DPP6: variants seen among roughly 807,000 people sequenced by gnomAD.
DPP6 encodes the protein dipeptidyl peptidase like 6, also known as A-type potassium channel modulatory protein DPP6.
A neutral mutation model predicts 122.6 loss-of-function variants in DPP6; 69 were observed. That is an observed-to-expected ratio of 0.56 (90% CI 0.46 to 0.69). DPP6 has a LOEUF of 0.69. Among genes scored for constraint, DPP6 ranks in the 30% least tolerant of loss-of-function variants. DPP6 has a pLI of 0.00. For synonymous variants in DPP6, 418 were observed against 433.1 expected, an observed-to-expected ratio of 0.97 and a Z score of 0.43; for missense variants, 928 against 1,116.9, an observed-to-expected ratio of 0.83 and a Z score of 2.41.
At chr7:153,828,605 A>G in the DPP6 span, among the ~76,000 whole-genome samples, 1 of 152,218 alleles carries the variant, frequency 6.6e-6, no homozygotes. Flanking sequence ...CTGATTAAAG[A>G]GTATATTCCT....
intron 1 of DPP6, among the ~76,000 whole-genome samples, chr7:154,229,586 C>T (rs960673462): frequency 1.3e-5 from 2 of 152,226 alleles, no homozygotes; most frequent in Admixed American, 1.3e-4. Context: ...AGGGCTTCAT[C>T]TTCAGCATCA....
intron 1 of DPP6, among the ~76,000 whole-genome samples, chr7:154,127,631 A>ACACACACACACG (rs1490857492): frequency 4.2e-4 from 44 of 103,808 alleles, no homozygotes; most frequent in Middle Eastern, 5.0e-3. Context: ...ACACACACAC[A>ACACACACACACG]CAGACACACA....
the DPP6 span, among the ~76,000 whole-genome samples, chr7:153,850,103 G>C: frequency 1.1e-4 from 16 of 151,916 alleles, no homozygotes; most frequent in Non-Finnish European, 2.2e-4. Flanking sequence ...CAAACTTATT[G>C]CCTTACAACA....
At chr7:154,195,306 A>G (rs2150773682) in intron 1 of DPP6, among the ~76,000 whole-genome samples, 1 of 152,330 alleles carries the variant, frequency 6.6e-6, no homozygotes, top group East Asian at 1.9e-4. Flanking sequence ...CCACACTTCC[A>G]ACCTGCATTA....
At chr7:154,228,323 T>C (rs1200840330) in intron 1 of DPP6, among the ~76,000 whole-genome samples, 1 of 152,218 alleles carries the variant, frequency 6.6e-6, no homozygotes, top group Non-Finnish European at 1.5e-5. Context: ...GCAAGGGTCC[T>C]TGGCTCATCA....
chr7:154,565,209 G>A (rs975741435), intron 4 of DPP6, among the ~76,000 whole-genome samples: 1 of 152,134 alleles, frequency 6.6e-6, no homozygotes, highest in African/African-American at 2.4e-5. Context: ...TGACTAAAAT[G>A]TTTAGACTAG....
intron 8 of DPP6, among the ~76,000 whole-genome samples, chr7:154,744,619 G>T (rs899260686): frequency 5.9e-5 from 9 of 152,224 alleles, no homozygotes; most frequent in African/African-American, 2.2e-4. Context: ...GATGTTCGCT[G>T]ATTTCTTTTT....
At chr7:154,575,212 TGTGTGTG>T (rs1831489385) in intron 5 of DPP6, among the ~76,000 whole-genome samples, 1 of 128,848 alleles carries the variant, frequency 7.8e-6, no homozygotes, top group Non-Finnish European at 1.6e-5. Context: ...GTCTGTGGTG[TGTGTGTG>T]GTGTGGTGTG....
chr7:154,303,612 C>T (rs767711072), intron 1 of DPP6, among the ~76,000 whole-genome samples: 17 of 152,170 alleles, frequency 1.1e-4, no homozygotes, highest in Non-Finnish European at 1.9e-4. Context: ...GCTATACCCA[C>T]CCCTGGACCT....
intron 16 of DPP6, among the ~76,000 whole-genome samples, chr7:154,808,289 A>G (rs1798825399): frequency 1.3e-5 from 2 of 152,210 alleles, no homozygotes; most frequent in Non-Finnish European, 2.9e-5. Flanking sequence ...GTCATCTAAA[A>G]TCTTGAAAAT....
At chr7:153,877,051 G>A in the DPP6 span, among the ~76,000 whole-genome samples, 1 of 151,868 alleles carries the variant, frequency 6.6e-6, no homozygotes, top group Non-Finnish European at 1.5e-5. Flanking sequence ...GGACATTACT[G>A]TACACTACTG....
chr7:154,816,480 C>T (rs1799431404), intron 16 of DPP6, among the ~76,000 whole-genome samples: 1 of 152,122 alleles, frequency 6.6e-6, no homozygotes, highest in African/African-American at 2.4e-5. Context: ...GGTCTGGGAA[C>T]ATGTCCCTGG....
At chr7:154,385,314 C>T (rs1012636366) in intron 1 of DPP6, among the ~76,000 whole-genome samples, 1 of 152,164 alleles carries the variant, frequency 6.6e-6, no homozygotes, top group African/African-American at 2.4e-5. Flanking sequence ...TTCACAGCGA[C>T]ACATGCTCTT....
chr7:154,104,269 G>A (rs917469948), intron 1 of DPP6, among the ~76,000 whole-genome samples: 2 of 152,222 alleles, frequency 1.3e-5, no homozygotes, highest in Non-Finnish European at 2.9e-5. Context: ...GGAAGGGGTT[G>A]TGCATTTCTC....
chr7:154,174,281 G>A (rs905193967), intron 1 of DPP6, among the ~76,000 whole-genome samples: 4 of 152,240 alleles, frequency 2.6e-5, no homozygotes, highest in African/African-American at 4.8e-5. Flanking sequence ...TTACGTGGTT[G>A]GGGAGAAGTA....
chr7:154,418,929 A>T (rs114345921), intron 1 of DPP6, among the ~76,000 whole-genome samples: 95 of 152,258 alleles, frequency 6.2e-4, no homozygotes, highest in African/African-American at 2.3e-3. Flanking sequence ...TGCATTCCAG[A>T]CCCTCCAGGG....
chr7:154,587,434 C>T, intron 5 of DPP6: 1 of 607,260 alleles, frequency 1.6e-6, no homozygotes, highest in Non-Finnish European at 2.9e-6. Context: ...GTCCTTCCCT[C>T]CTGTGCATCC....
At chr7:154,414,746 G>T (rs376520626) in intron 1 of DPP6, among the ~76,000 whole-genome samples, 1 of 152,212 alleles carries the variant, frequency 6.6e-6, no homozygotes, top group African/African-American at 2.4e-5. Context: ...GGCTGGAGGA[G>T]CCTCCACCTA....
chr7:153,964,954 C>CTCTT (rs769337862), intron 1 of DPP6, among the ~76,000 whole-genome samples: 1 of 58,174 alleles, frequency 1.7e-5, no homozygotes, highest in East Asian at 4.4e-4. Context: ...CTTTCTTTCT[C>CTCTT]TCTTTCTTTC....
Sources: gnomAD v4.1 joint callset for allele counts (sites outside exome capture counted in the v4.1 genomes callset) on GRCh38, gnomAD v4.1.1 for gene constraint, MANE v1.5 for transcripts, NCBI Gene and HGNC (gene_info 2026-07-23, HGNC 2026-07-21) for gene names.